Variants in PECAM1 observed in about 807,000 individuals in gnomAD.
The protein encoded by PECAM1 is platelet and endothelial cell adhesion molecule 1.
A neutral mutation model predicts 13.8 loss-of-function variants in PECAM1; 8 were observed. The observed-to-expected ratio is 0.58, with a 90% CI of 0.34 to 1.05. The LOEUF is 1.05. Among genes scored for constraint, PECAM1 ranks in the 50% least tolerant of loss-of-function variants. PECAM1 has a pLI of 0.03. For missense variants in PECAM1, 304 were observed against 141.2 expected, an observed-to-expected ratio of 2.15 and a Z score of -5.84; for synonymous variants, 136 against 52.6, an observed-to-expected ratio of 2.58 and a Z score of -6.86.
At position 64,324,839 on chromosome 17, in the gene PECAM1, C is replaced by CAG. The variant is rs2034901359; in HGVS notation, c.2188-996_2188-995dup. Among the ~76,000 whole-genome samples the CAG allele has an allele frequency of 5.3e-5, 8 of 152,274 alleles. No homozygotes were observed. The South Asian group carries it at 1.7e-3, about 32-fold the overall frequency. On this transcript the variant is annotated intron_variant, in intron 15 of 15. Coordinates refer to ENST00000563924, the MANE Select transcript of PECAM1 (RefSeq NM_000442.5). ...CCTCAAATAGTCAAATTCATAGAGA[C>CAG]AGAAAGTAGACAGTGGTTGCTAGGG...
intron 11 of PECAM1, among the ~76,000 whole-genome samples, chr17:64,350,955 C>A (rs2035708331): frequency 6.6e-6 from 1 of 152,186 alleles, no homozygotes; most frequent in Non-Finnish European, 1.5e-5. Context: ...CAGGTCACTG[C>A]AACCTCCACC....
rs45465993 is a variant in PECAM1, at chr17:64,390,817, C to T, written c.-152G>A. The T allele has an allele frequency of 0.02, 7,780 of 397,386 alleles. 104 individuals carry two copies. Among genetic ancestry groups the T allele is most frequent in the Middle Eastern group, 0.037 (59 of 1,584 alleles). 24.6% of individuals were successfully genotyped at this position (397,386 alleles called of 1,614,324 possible). On this transcript the variant is annotated 5_prime_UTR_variant, in exon 1 of 16. Transcript: ENST00000563924. ...CTTCTCCCGGCGCCTGCAGAGAGAC[C>T]GGCTGTGGCGCTGGTCAGGTAATGG...
At chr17:64,366,842 G>A (rs1166919030) in intron 5 of PECAM1, among the ~76,000 whole-genome samples, 6 of 101,794 alleles carry the variant, frequency 5.9e-5, no homozygotes, top group Admixed American at 2.5e-4. Context: ...GGGGAGGGGG[G>A]AGGGATAGCA....
intron 6 of PECAM1, among the ~76,000 whole-genome samples, chr17:64,361,332 GA>G (rs2035975005): frequency 6.6e-6 from 1 of 152,038 alleles, no homozygotes; most frequent in Admixed American, 6.6e-5. Flanking sequence ...TTTTAGTAGA[GA>G]GGGGGTTTCA....
chr17:64,329,599 G>A (rs977312828), intron 15 of PECAM1, 101 bp downstream of exon 15: 22 of 707,168 alleles, frequency 3.1e-5, no homozygotes, highest in African/African-American at 5.2e-5. Context: ...ACTAGGGAGC[G>A]GGGAAGAATT....
rs782059676 is a variant in PECAM1, at chr17:64,323,838, T to C, written c.2195A>G (p.Glu732Gly). Residue 732 changes from glutamate (E) to glycine (G), a missense_variant, in exon 16 of 16, where the codon GAA (glutamate) becomes GGA (glycine). Glu to Gly is a moderately conservative substitution (Grantham distance 98, BLOSUM62 -2). Coordinates refer to ENST00000563924, the MANE Select transcript of PECAM1 (RefSeq NM_000442.5). ...DAVESRYSRT[E>G]GSLDGT ...TGTCTAAGTTCCATCAAGGGAGCCT[T>C]CCGTTCTCTGTAGCGACAAGAAACA... 4.9e-6 allele frequency: 4 copies of C among 818,304 alleles called. No individual in the cohort carries two copies. In the East Asian group the frequency reaches 9.7e-5, roughly 20 times the overall value. The allele number at this position is 818,304 out of a possible 1,614,324, so 50.7% of individuals were successfully genotyped here.
rs918469079 is a variant in PECAM1, at chr17:64,375,024, C to T, written c.691+27G>A. On this transcript the variant is annotated intron_variant, in intron 4 of 15. Transcript: ENST00000563924. ...ATACCAAACCAGAAACCACAAAGAA[C>T]GATGAGGAAGGGAGCAGGATGCTGA... is the stretch of plus-strand genomic sequence containing the variant. 2.5e-5 allele frequency: 12 copies of T among 473,026 alleles called. No individual in the cohort carries two copies. The South Asian group carries it at 2.8e-4, about 11-fold the overall frequency. 29.3% of individuals were successfully genotyped at this position (473,026 alleles called of 1,614,324 possible).
chr17:64,389,232 C>T (rs2036665603), intron 2 of PECAM1, among the ~76,000 whole-genome samples: 1 of 152,180 alleles, frequency 6.6e-6, no homozygotes, highest in Non-Finnish European at 1.5e-5. Context: ...GCCTGCAACC[C>T]AGTCACCTCC....
intron 2 of PECAM1, among the ~76,000 whole-genome samples, chr17:64,387,312 G>A (rs1464729777): frequency 6.6e-6 from 1 of 152,260 alleles, no homozygotes; most frequent in South Asian, 2.1e-4. Context: ...AGGCTGCTGG[G>A]AGGCGAGGCG....
intron 15 of PECAM1, among the ~76,000 whole-genome samples, chr17:64,327,201 C>T (rs1442398179): frequency 1.3e-5 from 2 of 152,172 alleles, no homozygotes; most frequent in African/African-American, 4.8e-5. Flanking sequence ...CATTTCATGG[C>T]CAAATCAAGT....
At chr17:64,340,495 C>T (rs1483819105) in intron 14 of PECAM1, among the ~76,000 whole-genome samples, 1 of 152,168 alleles carries the variant, frequency 6.6e-6, no homozygotes, top group African/African-American at 2.4e-5. Context: ...GATACTCACA[C>T]AGTCACTATT....
chr17:64,350,451 A>G lies in PECAM1; in HGVS notation c.1991-18T>C, dbSNP rs2035692427. ...ATTGTGACCTAGTTGAAAAATAACA[A>G]TTAGGGTGAGTGACAAGGGAAATTC... is the stretch of plus-strand genomic sequence containing the variant. On this transcript the variant is annotated intron_variant, in intron 11 of 15. Coordinates refer to ENST00000563924, the MANE Select transcript of PECAM1 (RefSeq NM_000442.5). 4.7e-6 allele frequency: 2 copies of G among 426,688 alleles called. No homozygotes were observed. Among genetic ancestry groups the G allele is most frequent in the African/African-American group, 2.0e-5 (1 of 49,324 alleles). 26.4% of individuals were successfully genotyped at this position (426,688 alleles called of 1,614,324 possible).
chr17:64,336,918 TAGAA>T (rs1311535637), intron 14 of PECAM1, among the ~76,000 whole-genome samples: 26 of 118,904 alleles, frequency 2.2e-4, no homozygotes, highest in African/African-American at 6.9e-4. Context: ...GAGAGAAAGA[TAGAA>T]AGAAGGAGGA....
In PECAM1 at chr17:64,356,394, C is replaced by T. The variant is rs35139902; in HGVS notation, c.1497G>A (p.Pro499=). 7,175 of 465,358 alleles carry T rather than the reference C, an allele frequency of 0.015. 455 individuals are homozygous for T. The highest frequency in any genetic ancestry group is 0.13 in the African/African-American group (6,435 of 50,212). The allele number at this position is 465,358 out of a possible 1,614,324, so 28.8% of individuals were successfully genotyped here. A position where few individuals can be genotyped will look rare whatever the true frequency, so the allele number is the denominator to read the frequency against. The change falls in exon 8 of 16, where the codon CCG becomes CCA. Residue 499 remains proline (P), a synonymous_variant. Transcript: ENST00000563924. The stretch of plus-strand genomic sequence containing the variant: ...GGATAGAAATCTGGACCTCATCCAC[C>T]GGGGCTGAAAAGCAGGAAAAGGATT... The part of the protein sequence containing the change: ...SEVLRVKVIA[P]VDEVQISILS...
At chr17:64,329,638 G>A in intron 15 of PECAM1, 62 bp downstream of exon 15, 1 of 724,308 alleles carries the variant, frequency 1.4e-6, no homozygotes, top group Non-Finnish European at 2.6e-6. Flanking sequence ...GGGTGAGTCT[G>A]GAAATATTTC....
intron 15 of PECAM1, among the ~76,000 whole-genome samples, chr17:64,324,426 C>G (rs2034889015): frequency 6.6e-6 from 1 of 152,200 alleles, no homozygotes. Context: ...ACCATAGCCT[C>G]TGTCCCTGCA....
intron 2 of PECAM1, among the ~76,000 whole-genome samples, chr17:64,384,853 C>A (rs1037351611): frequency 1.3e-5 from 2 of 152,214 alleles, no homozygotes; most frequent in Admixed American, 6.5e-5. Context: ...AAATATACCA[C>A]GCAACCAAAC....
At chr17:64,389,415 A>G (rs2036668436) in intron 2 of PECAM1, among the ~76,000 whole-genome samples, 1 of 152,210 alleles carries the variant, frequency 6.6e-6, no homozygotes, top group Non-Finnish European at 1.5e-5. Flanking sequence ...AAAGTGGAAG[A>G]TAAACCAGGC....
chr17:64,358,725 C>T (rs2035904093), intron 7 of PECAM1, among the ~76,000 whole-genome samples: 1 of 152,152 alleles, frequency 6.6e-6, no homozygotes, highest in Non-Finnish European at 1.5e-5. Context: ...TTTCTTACCA[C>T]AGCATTGAAA....
Sources: gnomAD v4.1 joint callset for allele counts (sites outside exome capture counted in the v4.1 genomes callset) on GRCh38, gnomAD v4.1.1 for gene constraint, MANE v1.5 for transcripts, NCBI Gene and HGNC (gene_info 2026-07-23, HGNC 2026-07-21) for gene names.